KIF2B: variants seen among roughly 807,000 people sequenced by gnomAD.
KIF2B encodes kinesin family member 2B.
A neutral mutation model predicts 6.8 loss-of-function variants in KIF2B; 5 were observed. That is an observed-to-expected ratio of 0.74 (90% confidence interval 0.39 to 1.55). The LOEUF is 1.55. Among genes scored for constraint, KIF2B ranks in the 40% most tolerant of loss-of-function variants. The pLI is 0.03. For missense variants in KIF2B, 908 were observed against 831.3 expected (o/e 1.09, Z -1.13); for synonymous variants, 370 against 330.7 (o/e 1.12, Z -1.29).
rs1567760676 is a variant in KIF2B, at chr17:53,824,935, T to G, written c.1902T>G (p.Ile634Met). Residue 634 changes from isoleucine (I) to methionine (M), a missense_variant, in exon 1 of 1, where the codon ATT becomes ATG. By Grantham distance (10) the Ile-to-Met change is conservative. Coordinates refer to ENST00000268919, the MANE Select transcript of KIF2B (RefSeq NM_032559.5). ...QERAGGVHHD[I>M]DFCIARSLSI... is the part of the protein sequence containing the mutation. ...GAGCTGGTGGAGTACACCATGATAT[T>G]GATTTTTGCATTGCCCGGTCTTTGT... is the stretch of plus-strand genomic sequence containing the variant. The G allele has an allele frequency of 6.2e-7, 1 of 1,614,098 alleles. No individual in the cohort carries two copies. The highest frequency in any genetic ancestry group is 8.5e-7 in the Non-Finnish European group (1 of 1,180,010).
Position 53,824,936 on chromosome 17 carries a change from G to T in KIF2B, c.1903G>T (p.Asp635Tyr). ...ERAGGVHHDI[D>Y]FCIARSLSIL... The stretch of plus-strand genomic sequence containing the variant: ...AGCTGGTGGAGTACACCATGATATT[G>T]ATTTTTGCATTGCCCGGTCTTTGTC... Residue 635 changes from aspartate to tyrosine, a missense_variant, in exon 1 of 1, where the codon GAT becomes TAT. Physicochemically the swap from Asp to Tyr is radical, Grantham distance 160. Transcript: ENST00000268919. 6.2e-7 allele frequency: 1 copy of T among 1,614,132 alleles called. No individual in the cohort carries two copies. The highest frequency in any genetic ancestry group is 8.5e-7 in the Non-Finnish European group (1 of 1,180,036).
chr17:53,824,903 C>T lies in KIF2B; in HGVS notation c.1870C>T (p.Gln624Ter), dbSNP rs1467451503. Residue 624 changes from glutamine (Q) to a stop codon, truncating the protein, a stop_gained, in exon 1 of 1, where the codon CAG becomes TAG. Transcript: ENST00000268919. LOFTEE classifies it high-confidence loss of function. ...KGSSQWLENI[Q>*]ERAGGVHHDI... Reference sequence around the variant, plus strand: ...ATCTAGCCAATGGCTGGAAAACATCCAGGAGAGAGCTGGTGGAGTACACCA... The same window carrying T: ...ATCTAGCCAATGGCTGGAAAACATCTAGGAGAGAGCTGGTGGAGTACACCA... The T allele has an allele frequency of 3.1e-6, 5 of 1,613,914 alleles. No individual in the cohort carries two copies. The Admixed American group carries it at 6.7e-5, about 22-fold the overall frequency.
At position 53,823,979 on chromosome 17, in the gene KIF2B, G is replaced by C. The variant is rs1906488233; in HGVS notation, c.946G>C (p.Asp316His). ...GSGKTYTMGG[D>H]FSGTAQDCSK... ...TGGGAAGACGTACACCATGGGTGGA[G>C]ACTTTTCAGGAACGGCCCAAGATTG... The change falls in exon 1 of 1, where the codon GAC becomes CAC. Residue 316 changes from aspartate to histidine, a missense_variant. By Grantham distance (81) the Asp-to-His change is moderately conservative. Transcript: ENST00000268919. 6.2e-7 allele frequency: 1 copy of C among 1,614,240 alleles called. No homozygotes were observed. The highest frequency in any genetic ancestry group is 1.3e-5 in the African/African-American group (1 of 75,074).
Position 53,824,271 on chromosome 17 carries a change from C to G in KIF2B, c.1238C>G (p.Ser413Cys), listed in dbSNP as rs750899580. ...GAAATAGGGAATAGCTGTCGGACTT[C>G]CAGGCAAACACCTGTCAACGCTCAC... Reference protein sequence around the residue: ...LVEIGNSCRTSRQTPVNAHSS... With the variant: ...LVEIGNSCRTCRQTPVNAHSS... Residue 413 changes from serine to cysteine, a missense_variant, in exon 1 of 1, where the codon TCC (serine) becomes TGC (cysteine). Physicochemically the swap from Ser to Cys is moderately radical, Grantham distance 112. Coordinates refer to ENST00000268919, the MANE Select transcript of KIF2B (RefSeq NM_032559.5). The G allele has an allele frequency of 6.2e-7, 1 of 1,614,050 alleles. No individual in the cohort carries two copies. Among genetic ancestry groups the G allele is most frequent in the South Asian group, 1.1e-5 (1 of 91,068 alleles).
rs1321286496 is a variant in KIF2B, at chr17:53,824,308, C to A, written c.1275C>A (p.Ser425Arg). 1.2e-6 allele frequency: 2 copies of A among 1,614,040 alleles called. No individual in the cohort carries two copies. The highest frequency in any genetic ancestry group is 1.7e-6 in the Non-Finnish European group (2 of 1,180,012). Residue 425 changes from serine (S) to arginine (R), a missense_variant, in exon 1 of 1, where the codon AGC (serine) becomes AGA (arginine). Physicochemically the swap from Ser to Arg is moderately radical, Grantham distance 110 (BLOSUM62 -1). Coordinates refer to ENST00000268919, the MANE Select transcript of KIF2B (RefSeq NM_032559.5). ...CTGTCAACGCTCACTCATCCAGGAGCCATGCAGTGTTCCAGATCATCCTGA... is the reference window on the plus strand; with the variant it reads ...CTGTCAACGCTCACTCATCCAGGAGACATGCAGTGTTCCAGATCATCCTGA... ...QTPVNAHSSR[S>R]HAVFQIILKS...
rs773877894 is a variant in KIF2B at position 53,825,014 on chromosome 17, T to G, written c.1981T>G (p.Leu661Val). The change falls in exon 1 of 1, where the codon TTA becomes GTA. Residue 661 changes from leucine (L) to valine (V), a missense_variant. By Grantham distance (32) the Leu-to-Val change is conservative. Coordinates refer to ENST00000268919, the MANE Select transcript of KIF2B (RefSeq NM_032559.5). ...GACCGAGATCCAAAAGAAACTGAAATTATTACTAGCTGACCTCCACGTGAA... is the reference window on the plus strand; with the variant it reads ...GACCGAGATCCAAAAGAAACTGAAAGTATTACTAGCTGACCTCCACGTGAA... Reference protein sequence around the residue: ...ALTEIQKKLKLLLADLHVKSK... With the variant: ...ALTEIQKKLKVLLADLHVKSK... The G allele has an allele frequency of 9.3e-6, 15 of 1,613,356 alleles. No individual in the cohort carries two copies. In the Admixed American group the frequency reaches 1.8e-4, roughly 20 times the overall value.
Position 53,824,583 on chromosome 17 carries a change from T to C in KIF2B, c.1550T>C (p.Ile517Thr). The C allele has an allele frequency of 6.2e-7, 1 of 1,614,174 alleles. No individual in the cohort carries two copies. The highest frequency in any genetic ancestry group is 8.5e-7 in the Non-Finnish European group (1 of 1,180,024). The change falls in exon 1 of 1, where the codon ATT (isoleucine) becomes ACT (threonine). Residue 517 changes from isoleucine to threonine, a missense_variant. Coordinates refer to ENST00000268919, the MANE Select transcript of KIF2B (RefSeq NM_032559.5). ...GGCCAGAACTCCTCCACTTGCATGA[T>C]TGCTACCATCTCTCCGGGGATGACC... ...FIGQNSSTCM[I>T]ATISPGMTSC...
chr17:53,822,939 C>G lies in KIF2B; in HGVS notation c.-95C>G. 8.8e-7 allele frequency: 1 copy of G among 1,140,688 alleles called. No individual in the cohort carries two copies. Among genetic ancestry groups the G allele is most frequent in the Non-Finnish European group, 1.3e-6 (1 of 799,216 alleles). 70.7% of individuals were successfully genotyped at this position (1,140,688 alleles called of 1,614,324 possible). A position where few individuals can be genotyped will look rare whatever the true frequency, so the allele number is the denominator to read the frequency against. On this transcript the variant is annotated 5_prime_UTR_variant, in exon 1 of 1. Transcript: ENST00000268919. ...CACAAAGGCAGGCACAGACTGCAAC[C>G]CTGCTCAGTGCTCCGGGCGCTTCAG...
In KIF2B at chr17:53,823,792, G is replaced by A. The variant is rs2143781760; in HGVS notation, c.759G>A (p.Val253=). 6.2e-7 allele frequency: 1 copy of A among 1,614,180 alleles called. No individual in the cohort carries two copies. The highest frequency in any genetic ancestry group is 8.5e-7 in the Non-Finnish European group (1 of 1,180,032). ...TGGTGCATGAGTCCAAGCAAAAGGT[G>A]GACCTCACTCGCTACCTGCAGAACC... is the stretch of plus-strand genomic sequence containing the variant. ...VVMVHESKQK[V]DLTRYLQNQT... is the part of the protein sequence containing the mutation. The change falls in exon 1 of 1, where the codon GTG becomes GTA. Residue 253 remains valine, a synonymous_variant. Coordinates refer to ENST00000268919, the MANE Select transcript of KIF2B (RefSeq NM_032559.5).
At position 53,823,514 on chromosome 17, in the gene KIF2B, G is replaced by A. The variant is rs1479558414; in HGVS notation, c.481G>A (p.Glu161Lys). 3 of 1,613,904 alleles carry A rather than the reference G, an allele frequency of 1.9e-6. No individual in the cohort carries two copies. The highest frequency in any genetic ancestry group is 4.5e-5 in the East Asian group (2 of 44,882). ...WEIQKLQEQR[E>K]KRRRLQQEIR... ...AATCCAGAAACTGCAGGAGCAGCGG[G>A]AAAAGCGCAGGCGGCTGCAGCAGGA... Residue 161 changes from glutamate to lysine, a missense_variant, in exon 1 of 1, where the codon GAA becomes AAA. Glu to Lys is a moderately conservative substitution (Grantham distance 56, BLOSUM62 1). Transcript: ENST00000268919.
chr17:53,824,043 T>C lies in KIF2B; in HGVS notation c.1010T>C (p.Phe337Ser), dbSNP rs2143783228. ...TATGCTCTGGTGGCACAGGATGTCT[T>C]TCTCCTGCTCAGAAACTCCACATAT... ...GIYALVAQDVFLLLRNSTYEK... is the reference protein window; with the variant it reads ...GIYALVAQDVSLLLRNSTYEK... Residue 337 changes from phenylalanine to serine, a missense_variant, in exon 1 of 1, where the codon TTT becomes TCT. Transcript: ENST00000268919. The C allele has an allele frequency of 6.2e-7, 1 of 1,614,218 alleles. No individual in the cohort carries two copies. Among genetic ancestry groups the C allele is most frequent in the Non-Finnish European group, 8.5e-7 (1 of 1,180,028 alleles).
chr17:53,823,528 G>C lies in KIF2B; in HGVS notation c.495G>C (p.Arg165=), dbSNP rs1906464453. 6.2e-7 allele frequency: 1 copy of C among 1,613,916 alleles called. No homozygotes were observed. The highest frequency in any genetic ancestry group is 8.5e-7 in the Non-Finnish European group (1 of 1,180,042). The change falls in exon 1 of 1, where the codon CGG becomes CGC. Residue 165 remains arginine (R), a synonymous_variant. Transcript: ENST00000268919. ...AGGAGCAGCGGGAAAAGCGCAGGCG[G>C]CTGCAGCAGGAGATCCGAGCTAGAC... ...KLQEQREKRR[R]LQQEIRARRA... is the part of the protein sequence containing the mutation.
chr17:53,823,424 C>T lies in KIF2B; in HGVS notation c.391C>T (p.Leu131=), dbSNP rs1229083918. ...AAACCAAACAGCCTCAGGGGACAGC[C>T]TGGATGTGAGGGTCCCCAGCAAACC... The part of the protein sequence containing the change: ...QKNQTASGDS[L]DVRVPSKPCL... Residue 131 remains leucine (L), a synonymous_variant, in exon 1 of 1, where the codon CTG becomes TTG. Transcript: ENST00000268919. 6.2e-7 allele frequency: 1 copy of T among 1,614,162 alleles called. No homozygotes were observed. Among genetic ancestry groups the T allele is most frequent in the Non-Finnish European group, 8.5e-7 (1 of 1,180,044 alleles).
In KIF2B at chr17:53,824,688, G is replaced by C. The variant is rs767148004; in HGVS notation, c.1655G>C (p.Arg552Pro). ...AATGTAGATGTAAGGCCCTACCATC[G>C]TGGCCACTATCCGATTGGACATGAG... is the stretch of plus-strand genomic sequence containing the variant. ...KLNVDVRPYH[R>P]GHYPIGHEAP... is the part of the protein sequence containing the mutation. Residue 552 changes from arginine (R) to proline (P), a missense_variant, in exon 1 of 1, where the codon CGT becomes CCT. Physicochemically the swap from Arg to Pro is moderately radical, Grantham distance 103. Transcript: ENST00000268919. 1.2e-6 allele frequency: 2 copies of C among 1,613,928 alleles called. No homozygotes were observed. Among genetic ancestry groups the C allele is most frequent in the East Asian group, 4.5e-5 (2 of 44,886 alleles).
Position 53,822,944 on chromosome 17 carries a change from T to C in KIF2B, c.-90T>C. The C allele has an allele frequency of 8.4e-7, 1 of 1,188,814 alleles. No homozygotes were observed. Among genetic ancestry groups the C allele is most frequent in the Non-Finnish European group, 1.2e-6 (1 of 840,330 alleles). 73.6% of individuals were successfully genotyped at this position (1,188,814 alleles called of 1,614,324 possible). ...AGGCAGGCACAGACTGCAACCCTGC[T>C]CAGTGCTCCGGGCGCTTCAGGCTGG... On this transcript the variant is annotated 5_prime_UTR_variant, in exon 1 of 1. Transcript: ENST00000268919.
rs1229132447 is a variant in KIF2B, at chr17:53,823,280, C to G, written c.247C>G (p.Leu83Val). The change falls in exon 1 of 1, where the codon CTG (leucine) becomes GTG (valine). Residue 83 changes from leucine (L) to valine (V), a missense_variant. Coordinates refer to ENST00000268919, the MANE Select transcript of KIF2B (RefSeq NM_032559.5). ...GACCATACTCCTGCTGAATCCAGCT[C>G]TGGACTCTGCTGAACACCCCATGCC... ...LETILLLNPALDSAEHPMPPP... is the reference protein window; with the variant it reads ...LETILLLNPAVDSAEHPMPPP... 1 of 1,614,204 alleles carries G rather than the reference C, an allele frequency of 6.2e-7. No individual in the cohort carries two copies. The highest frequency in any genetic ancestry group is 8.5e-7 in the Non-Finnish European group (1 of 1,180,040).
Position 53,825,126 on chromosome 17 carries a change from T to C in KIF2B, c.*71T>C. Reference sequence around the variant, plus strand: ...TTCCACCACTCTTATACAGGAAAACTGTCCAAATTATCTAAAGATCCTCCT... The same window carrying C: ...TTCCACCACTCTTATACAGGAAAACCGTCCAAATTATCTAAAGATCCTCCT... On this transcript the variant is annotated 3_prime_UTR_variant, in exon 1 of 1. Transcript: ENST00000268919. 4 of 923,176 alleles carry C rather than the reference T, an allele frequency of 4.3e-6. No individual in the cohort carries two copies. Among genetic ancestry groups the C allele is most frequent in the Non-Finnish European group, 6.2e-6 (4 of 643,974 alleles). 57.2% of individuals were successfully genotyped at this position (923,176 alleles called of 1,614,324 possible). A position where few individuals can be genotyped will look rare whatever the true frequency, so the allele number is the denominator to read the frequency against.
Position 53,823,671 on chromosome 17 carries a change from G to T in KIF2B, c.638G>T (p.Arg213Leu), listed in dbSNP as rs140988115. ...ISVLEPPQEH[R>L]ICVCVRKRPL... ...GTCCTGGAGCCCCCGCAAGAACATC[G>T]CATCTGCGTCTGCGTGAGGAAGCGG... The change falls in exon 1 of 1, where the codon CGC (arginine) becomes CTC (leucine). Residue 213 changes from arginine (R) to leucine (L), a missense_variant. By Grantham distance (102) the Arg-to-Leu change is moderately radical. Coordinates refer to ENST00000268919, the MANE Select transcript of KIF2B (RefSeq NM_032559.5). 1 of 1,614,054 alleles carries T rather than the reference G, an allele frequency of 6.2e-7. No individual in the cohort carries two copies. Among genetic ancestry groups the T allele is most frequent in the Non-Finnish European group, 8.5e-7 (1 of 1,180,034 alleles).
Position 53,823,367 on chromosome 17 carries a change from G to A in KIF2B, c.334G>A (p.Ala112Thr), listed in dbSNP as rs753464095. The change falls in exon 1 of 1, where the codon GCC becomes ACC. Residue 112 changes from alanine (A) to threonine (T), a missense_variant. By Grantham distance (58) the Ala-to-Thr change is moderately conservative. Coordinates refer to ENST00000268919, the MANE Select transcript of KIF2B (RefSeq NM_032559.5). ...PSSAIRDQRTATKWVAMIPQK... is the reference protein window; with the variant it reads ...PSSAIRDQRTTTKWVAMIPQK... ...TTCGGCCATCAGGGACCAGCGTACCGCCACGAAATGGGTTGCGATGATCCC... is the reference window on the plus strand; with the variant it reads ...TTCGGCCATCAGGGACCAGCGTACCACCACGAAATGGGTTGCGATGATCCC... 29 of 1,614,016 alleles carry A rather than the reference G, an allele frequency of 1.8e-5. No homozygotes were observed. Among genetic ancestry groups the A allele is most frequent in the Admixed American group, 3.3e-5 (2 of 60,008 alleles).
Sources: allele counts gnomAD v4.1 joint callset, GRCh38; gene constraint gnomAD v4.1.1; transcripts MANE v1.5; gene names NCBI Gene and HGNC (gene_info 2026-07-23, HGNC 2026-07-21).